Variants in EDNRA observed in about 807,000 individuals in gnomAD.
EDNRA encodes the protein endothelin receptor type A, also known as endothelin-1 receptor.
EDNRA carries 11 observed loss-of-function variants against 41.4 expected under a neutral mutation model. The observed-to-expected ratio is 0.27, with a 90% CI of 0.17 to 0.44. The LOEUF is 0.44. EDNRA is among the 20% of genes least tolerant of loss of function. The pLI, the probability that EDNRA is intolerant of heterozygous loss-of-function variation, is 1.00. For missense variants in EDNRA, 294 were observed against 531.0 expected (o/e 0.55, Z 4.39); for synonymous variants, 172 against 183.0 (o/e 0.94, Z 0.49).
chr4:147,484,151 TAAAATATTG>T (rs1176409653), intron 1 of EDNRA, among the ~76,000 whole-genome samples: 1 of 152,158 alleles, frequency 6.6e-6, no homozygotes, highest in Non-Finnish European at 1.5e-5. Context: ...AGGAAATATA[TAAAATATTG>T]AAATAGGATG....
chr4:147,541,124 G>C (rs1024796802), intron 7 of EDNRA, among the ~76,000 whole-genome samples: 3 of 144,472 alleles, frequency 2.1e-5, no homozygotes, highest in Admixed American at 7.0e-5. Context: ...CTGTTTAATT[G>C]TGTACTTAGT....
Position 147,531,335 on chromosome 4 carries a change from T to C in EDNRA, c.549-1171T>C, listed in dbSNP as rs982177679. Among the ~76,000 whole-genome samples, 4 of 152,316 alleles carry C rather than the reference T, an allele frequency of 2.6e-5. No homozygotes were observed. The East Asian group carries it at 7.7e-4, about 29-fold the overall frequency. On this transcript the variant is annotated intron_variant, in intron 3 of 7. Coordinates refer to ENST00000651419, the MANE Select transcript of EDNRA (RefSeq NM_001957.4). The stretch of plus-strand genomic sequence containing the variant: ...GCCATAATGGGAGTGATATAATCCC[T>C]CTTTGACATTTACCACAAATAGGTA...
At chr4:147,539,703 C>A in intron 5 of EDNRA, 114 bp from the exon 6 acceptor site, 1 of 1,246,814 alleles carries the variant, frequency 8.0e-7, no homozygotes, top group Non-Finnish European at 1.1e-6. Context: ...GTTCTCCTGG[C>A]TCTTCTTTGA....
intron 2 of EDNRA, among the ~76,000 whole-genome samples, chr4:147,515,401 G>A: frequency 6.6e-6 from 1 of 152,138 alleles, no homozygotes; most frequent in East Asian, 1.9e-4. Context: ...TTGTCCCCTG[G>A]TTGATAAGCA....
chr4:147,514,161 T>C (rs1040432488), intron 2 of EDNRA, among the ~76,000 whole-genome samples: 1 of 151,518 alleles, frequency 6.6e-6, no homozygotes, highest in African/African-American at 2.4e-5. Flanking sequence ...TTGTGGCAGG[T>C]ATGAGAACTA....
intron 2 of EDNRA, among the ~76,000 whole-genome samples, chr4:147,487,586 G>C (rs1053829646): frequency 1.3e-5 from 2 of 152,170 alleles, no homozygotes; most frequent in Non-Finnish European, 2.9e-5. Flanking sequence ...AAGTAAAACA[G>C]TAATCTCTCA....
chr4:147,494,335 G>C (rs1393871239), intron 2 of EDNRA: 1 of 152,224 alleles, frequency 6.6e-6, no homozygotes, highest in African/African-American at 2.4e-5. Context: ...TAAGTGCTAA[G>C]TAGATAAGTA....
At chr4:147,514,043 T>G (rs1243658432) in intron 2 of EDNRA, among the ~76,000 whole-genome samples, 2 of 152,250 alleles carry the variant, frequency 1.3e-5, no homozygotes, top group Non-Finnish European at 2.9e-5. Context: ...CAGTTTACGA[T>G]TACAAATTAT....
chr4:147,504,855 G>A (rs182683885), intron 2 of EDNRA, among the ~76,000 whole-genome samples: 49 of 149,570 alleles, frequency 3.3e-4, no homozygotes, highest in Admixed American at 3.0e-3. Context: ...CTACTCTGGA[G>A]GCTGAGGCTG....
At chr4:147,504,161 G>A (rs72959579) in intron 2 of EDNRA, among the ~76,000 whole-genome samples, 2,248 of 152,228 alleles carry the variant, frequency 0.015, 56 homozygotes, top group African/African-American at 0.049. Context: ...AAAGGATGAG[G>A]ATTTTCATCG....
Position 147,523,474 on chromosome 4 carries a change from G to T in EDNRA, c.548+3496G>T, listed in dbSNP as rs1288602540. 1.1e-3 allele frequency among the ~76,000 whole-genome samples: 114 copies of T among 103,250 alleles called. 2 individuals are homozygous for T. The highest frequency in any genetic ancestry group is 6.0e-3 in the African/African-American group (104 of 17,304). The allele number at this position is 103,250 out of a possible 152,430, so 67.7% of individuals were successfully genotyped here. ...TGTTGGGTGTTTGTTTTTTTTTGTTGTTGTTGTTTTTTTGTTTTTTTTGTT... is the reference window on the plus strand; with the variant it reads ...TGTTGGGTGTTTGTTTTTTTTTGTTTTTGTTGTTTTTTTGTTTTTTTTGTT... On this transcript the variant is annotated intron_variant, in intron 3 of 7. Transcript: ENST00000651419.
chr4:147,516,999 A>T (rs137881775), intron 2 of EDNRA, among the ~76,000 whole-genome samples: 20 of 152,184 alleles, frequency 1.3e-4, no homozygotes, highest in African/African-American at 3.6e-4. Context: ...TTTGTAAAAA[A>T]AAAAAGCATA....
At chr4:147,539,765 T>A (rs553291599) in intron 5 of EDNRA, 52 bp from the exon 6 acceptor site, 4 of 1,577,442 alleles carry the variant, frequency 2.5e-6, no homozygotes, top group Admixed American at 1.9e-5. Flanking sequence ...TTCTTGCATC[T>A]AGTATAAAAA....
intron 3 of EDNRA, among the ~76,000 whole-genome samples, chr4:147,532,271 AG>A (rs1730774390): frequency 7.1e-6 from 1 of 141,662 alleles, no homozygotes; most frequent in Non-Finnish European, 1.5e-5. Flanking sequence ...GCTTGCAGTG[AG>A]CCGAGATGGT....
chr4:147,523,482 T>TTTCG (rs1560910702), intron 3 of EDNRA, among the ~76,000 whole-genome samples: 10 of 142,304 alleles, frequency 7.0e-5, no homozygotes, highest in Non-Finnish European at 1.4e-4. Context: ...TTGTTGTTGT[T>TTTCG]TTTTTGTTTT....
intron 2 of EDNRA, chr4:147,488,293 C>T (rs540958203): frequency 6.6e-6 from 1 of 152,204 alleles, no homozygotes. Flanking sequence ...CATTTCTATT[C>T]CATGGCAACG....
At chr4:147,502,867 T>G (rs1729562716) in intron 2 of EDNRA, among the ~76,000 whole-genome samples, 1 of 152,242 alleles carries the variant, frequency 6.6e-6, no homozygotes, top group Admixed American at 6.5e-5. Context: ...GCCTAATTGC[T>G]GAAATACTTT....
Position 147,542,756 on chromosome 4 carries a change from A to G in EDNRA, c.*138A>G, listed in dbSNP as rs200799891. On this transcript the variant is annotated 3_prime_UTR_variant, in exon 8 of 8. Transcript: ENST00000651419. ...CACACCCAAGAAGAAATGCTTTCCA[A>G]AACCGCAAGGGTAGACTGGTTTATC... is the stretch of plus-strand genomic sequence containing the variant. The G allele has an allele frequency of 1.7e-6, 2 of 1,163,178 alleles. No individual in the cohort carries two copies. Among genetic ancestry groups the G allele is most frequent in the Non-Finnish European group, 2.4e-6 (2 of 847,232 alleles). The allele number at this position is 1,163,178 out of a possible 1,614,324, so 72.1% of individuals were successfully genotyped here. A position where few individuals can be genotyped will look rare whatever the true frequency, so the allele number is the denominator to read the frequency against.
In EDNRA at chr4:147,486,322, G is replaced by A. The variant is rs962925941; in HGVS notation, c.420+221G>A. Reference sequence around the variant, plus strand: ...TAATTGTAACAAAATAGTATTTCAGGGATGATGGTTCAAAATCATGGTGTT... The same window carrying A: ...TAATTGTAACAAAATAGTATTTCAGAGATGATGGTTCAAAATCATGGTGTT... On this transcript the variant is annotated intron_variant, in intron 2 of 7. Transcript: ENST00000651419. This position sits in a 1 kb window ranked among gnomAD's most constrained non-coding sequence, Gnocchi z 4.3. Among the ~76,000 whole-genome samples the A allele has an allele frequency of 6.6e-6, 1 of 152,184 alleles. No homozygotes were observed. Among genetic ancestry groups the A allele is most frequent in the Admixed American group, 6.5e-5 (1 of 15,296 alleles).
Sources: gnomAD v4.1 joint callset for allele counts (sites outside exome capture counted in the v4.1 genomes callset) on GRCh38, gnomAD v4.1.1 for gene constraint, Gnocchi (gnomAD v3.1) non-coding constraint, MANE v1.5 for transcripts, NCBI Gene and HGNC (gene_info 2026-07-23, HGNC 2026-07-21) for gene names.